The following ANK1 variants were observed in gnomAD, a reference collection of about 807,000 sequenced individuals.
ANK1 encodes ankyrin 1.
In ANK1, 51 loss-of-function variants were observed where a neutral mutation model predicts 210.4. That is an observed-to-expected ratio of 0.24 (90% CI 0.19 to 0.31). The LOEUF (loss-of-function observed/expected upper bound fraction) is 0.31. Among genes scored for constraint, ANK1 ranks in the 10% least tolerant of loss-of-function variants. The pLI is 1.00. For synonymous variants in ANK1, 967 were observed against 1,025.9 expected, an observed-to-expected ratio of 0.94 and a Z score of 1.10; for missense variants, 2,051 against 2,504.4, an observed-to-expected ratio of 0.82 and a Z score of 3.86.
At chr8:41,784,608 A>C (rs1241801497) in intron 1 of ANK1, among the ~76,000 whole-genome samples, 2 of 152,216 alleles carry the variant, frequency 1.3e-5, no homozygotes, top group East Asian at 3.8e-4. Context: ...TGTATAACTA[A>C]ATCTATTCAG....
Position 41,797,517 on chromosome 8 carries a change from G to A in ANK1, c.22C>T (p.Arg8Cys). The A allele has an allele frequency of 6.2e-7, 1 of 1,613,742 alleles. No individual in the cohort carries two copies. Among genetic ancestry groups the A allele is most frequent in the Non-Finnish European group, 8.5e-7 (1 of 1,179,854 alleles). The change falls in exon 1 of 43, where the codon CGC becomes TGC. Residue 8 changes from arginine to cysteine, a missense_variant. Physicochemically the swap from Arg to Cys is radical, Grantham distance 180. Around this residue, in one of 6 missense-constraint regions of ANK1, gnomAD observed 21 missense variants for 18.7 expected, o/e 1.12. Coordinates refer to ENST00000289734, the MANE Select transcript of ANK1 (RefSeq NM_000037.4). The surrounding 1 kb of genome is among the most constrained non-coding windows in gnomAD (Gnocchi z 4.0). MPYSVGF[R>C]EADAATSFLR... ...AGCAGCCGCCCAGTACTCACTTCGC[G>A]GAAGCCCACAGAATAGGGCATGCCG...
chr8:41,833,529 G>A (rs1807067382), intron 1 of ANK1, among the ~76,000 whole-genome samples: 1 of 152,210 alleles, frequency 6.6e-6, no homozygotes, highest in Non-Finnish European at 1.5e-5. Context: ...GGAAGCGTGG[G>A]GATTTAGGTT....
chr8:41,738,076 A>G (rs1477282689), intron 2 of ANK1, among the ~76,000 whole-genome samples: 1 of 152,100 alleles, frequency 6.6e-6, no homozygotes. Context: ...TAGAGGTGGC[A>G]CAGAAGAGAA....
At chr8:41,689,144 G>T (rs758670574) in intron 33 of ANK1, among the ~76,000 whole-genome samples, 1 of 152,046 alleles carries the variant, frequency 6.6e-6, no homozygotes, top group African/African-American at 2.4e-5. Context: ...AAGAGCCAGG[G>T]TCTCACTCTG....
intron 9 of ANK1, among the ~76,000 whole-genome samples, chr8:41,721,116 C>T (rs1398306711): frequency 1.3e-5 from 2 of 152,176 alleles, no homozygotes; most frequent in Admixed American, 6.5e-5. Flanking sequence ...AGAATGTGAC[C>T]TTGTTTGGAA....
chr8:41,844,685 G>A (rs772620827), intron 1 of ANK1, among the ~76,000 whole-genome samples: 5 of 152,228 alleles, frequency 3.3e-5, no homozygotes, highest in South Asian at 2.1e-4. Flanking sequence ...CCAAAGAGAC[G>A]TGGTAATGAA....
chr8:41,734,741 A>G (rs1467858017), intron 2 of ANK1, among the ~76,000 whole-genome samples: 1 of 151,896 alleles, frequency 6.6e-6, no homozygotes, highest in Non-Finnish European at 1.5e-5. Flanking sequence ...AAGAAAAAAA[A>G]AAGCCCACAG....
In ANK1 at chr8:41,731,805, C is replaced by T. The variant is rs369424851; in HGVS notation, c.228+2166G>A. ...GGAGGAGATTCGGAAACAGTCGAAG[C>T]GCTGAAGCCTCGTGTTTCCGCAGCC... On this transcript the variant is annotated intron_variant, in intron 3 of 42. Transcript: ENST00000289734. Among the ~76,000 whole-genome samples, 44 of 152,330 alleles carry T rather than the reference C, an allele frequency of 2.9e-4. 1 individual carries two copies. Among genetic ancestry groups the T allele is most frequent in the African/African-American group, 1.1e-3 (44 of 41,586 alleles).
chr8:41,672,706 C>A lies in ANK1; in HGVS notation c.4744G>T (p.Asp1582Tyr). 1 of 1,611,850 alleles carries A rather than the reference C, an allele frequency of 6.2e-7. No homozygotes were observed. Among genetic ancestry groups the A allele is most frequent in the African/African-American group, 1.3e-5 (1 of 75,004 alleles). ...GCCTTGCTACACTCCAGAGAGGAGT[C>A]CTCAGCAGTGACCAGAGAAGGCGTG... ...GLTPSLVTAE[D>Y]SSLECSKAED... Residue 1582 changes from aspartate (D) to tyrosine (Y), a missense_variant, in exon 38 of 43, where the codon GAC (aspartate) becomes TAC (tyrosine). Coordinates refer to ENST00000289734, the MANE Select transcript of ANK1 (RefSeq NM_000037.4).
In ANK1 at chr8:41,701,545, G is replaced by T; in HGVS notation, c.2461+5C>A. On this transcript the variant is annotated splice_donor_5th_base_variant and intron_variant, in intron 22 of 42. Transcript: ENST00000289734. The stretch of plus-strand genomic sequence containing the variant: ...ACCAGCCTGAGCTCTTTACCCCAAC[G>T]TTACCTTCATCTTCCGAGACATCCA... 6.2e-7 allele frequency: 1 copy of T among 1,613,986 alleles called. No individual in the cohort carries two copies. The highest frequency in any genetic ancestry group is 8.5e-7 in the Non-Finnish European group (1 of 1,179,936).
intron 16 of ANK1, among the ~76,000 whole-genome samples, chr8:41,713,353 C>A (rs1826708952): frequency 6.6e-6 from 1 of 152,230 alleles, no homozygotes; most frequent in Non-Finnish European, 1.5e-5. Context: ...CACAGCCTCG[C>A]CTTCCCACAG....
intron 1 of ANK1, among the ~76,000 whole-genome samples, chr8:41,880,873 C>T (rs1464828555): frequency 1.3e-5 from 2 of 152,246 alleles, no homozygotes; most frequent in East Asian, 1.9e-4. Flanking sequence ...CTCCCATTAT[C>T]GCAGGCTCTG....
intron 20 of ANK1, among the ~76,000 whole-genome samples, chr8:41,702,567 A>T (rs1268452027): frequency 6.6e-6 from 1 of 152,228 alleles, no homozygotes; most frequent in South Asian, 2.1e-4. Context: ...GTGATGGGGT[A>T]TTAAAATAGT....
At position 41,701,555 on chromosome 8, in the gene ANK1, T is replaced by A; in HGVS notation, c.2456A>T (p.Asp819Val). The A allele has an allele frequency of 1.2e-6, 2 of 1,614,134 alleles. No individual in the cohort carries two copies. The highest frequency in any genetic ancestry group is 1.7e-6 in the Non-Finnish European group (2 of 1,179,996). Residue 819 changes from aspartate (D) to valine (V), a missense_variant, in exon 22 of 43, where the codon GAT (aspartate) becomes GTT (valine). This residue lies in a region of ANK1 where 1,413 missense variants were observed against 1,707.4 expected (regional missense o/e 0.83). Coordinates refer to ENST00000289734, the MANE Select transcript of ANK1 (RefSeq NM_000037.4). ...GCTCTTTACCCCAACGTTACCTTCATCTTCCGAGACATCCAGGATCTCATC... is the reference window on the plus strand; with the variant it reads ...GCTCTTTACCCCAACGTTACCTTCAACTTCCGAGACATCCAGGATCTCATC... ...TVDEILDVSEDEGEELISFKA... is the reference protein window; with the variant it reads ...TVDEILDVSEVEGEELISFKA...
At chr8:41,732,887 G>A (rs1033049201) in intron 3 of ANK1, among the ~76,000 whole-genome samples, 1 of 151,932 alleles carries the variant, frequency 6.6e-6, no homozygotes, top group African/African-American at 2.4e-5. Flanking sequence ...ACAGGCGCCC[G>A]CCACCACGCC....
Position 41,704,560 on chromosome 8 carries a change from G to T in ANK1, c.2098-88C>A. On this transcript the variant is annotated intron_variant, in intron 18 of 42. Coordinates refer to ENST00000289734, the MANE Select transcript of ANK1 (RefSeq NM_000037.4). This position sits in a 1 kb window ranked among gnomAD's most constrained non-coding sequence, Gnocchi z 4.1. ...TCCCAAAGCAGCTGATTCAAAGAGA[G>T]AACGGACAGGGAGCCCCTTGAAGGC... 1 of 1,171,132 alleles carries T rather than the reference G, an allele frequency of 8.5e-7. No homozygotes were observed. The highest frequency in any genetic ancestry group is 1.3e-6 in the Non-Finnish European group (1 of 783,920). 72.5% of individuals were successfully genotyped at this position (1,171,132 alleles called of 1,614,324 possible).
At chr8:41,733,835 G>T (rs1034313522) in intron 3 of ANK1, 136 bp downstream of exon 3, 1 of 763,456 alleles carries the variant, frequency 1.3e-6, no homozygotes, top group Non-Finnish European at 2.3e-6. Context: ...GGGATTCAGA[G>T]AACTAAAAAG....
chr8:41,662,062 G>T (rs1808498796), intron 40 of ANK1, 121 bp from the exon 41 acceptor site: 1 of 1,302,140 alleles, frequency 7.7e-7, no homozygotes, highest in African/African-American at 1.5e-5. Context: ...TTTGAGACCA[G>T]CCTGGCCAAC....
At chr8:41,661,196 C>T in intron 42 of ANK1, 6 of 579,576 alleles carry the variant, frequency 1.0e-5, no homozygotes, top group Admixed American at 3.0e-5. Flanking sequence ...TCTTACAAAA[C>T]CGTGCGGTCC....
Sources: gnomAD v4.1 joint callset for allele counts (sites outside exome capture counted in the v4.1 genomes callset) on GRCh38, gnomAD v4.1.1 for gene constraint, gnomAD v4.1.1 regional missense constraint, Gnocchi (gnomAD v3.1) non-coding constraint, MANE v1.5 for transcripts, NCBI Gene and HGNC (gene_info 2026-07-23, HGNC 2026-07-21) for gene names.